CLOCK: variants seen among roughly 807,000 people sequenced by gnomAD.
The protein encoded by CLOCK is circadian locomoter output cycles protein kaput.
A neutral mutation model predicts 118.4 loss-of-function variants in CLOCK; 43 were observed. That is an observed-to-expected ratio of 0.36 (90% CI 0.28 to 0.47). The LOEUF (loss-of-function observed/expected upper bound fraction) is 0.47, where lower values mean the gene tolerates loss of function less well. Among genes scored for constraint, CLOCK ranks in the 20% least tolerant of loss-of-function variants. The pLI, the probability that CLOCK is intolerant of heterozygous loss-of-function variation, is 1.00. For missense variants in CLOCK, 846 were observed against 999.9 expected, an observed-to-expected ratio of 0.85 and a Z score of 2.08; for synonymous variants, 326 against 339.2, an observed-to-expected ratio of 0.96 and a Z score of 0.43.
intron 1 of CLOCK, among the ~76,000 whole-genome samples, chr4:55,526,946 C>CA (rs11460620): frequency 0.45 from 39,421 of 88,126 alleles, 9,705 homozygotes; most frequent in African/African-American, 0.56. Context: ...GACTCCGTCT[C>CA]AAAAAAAAAA....
At chr4:55,446,612 G>T (rs544308211) in intron 18 of CLOCK, among the ~76,000 whole-genome samples, 1 of 152,296 alleles carries the variant, frequency 6.6e-6, no homozygotes, top group African/African-American at 2.4e-5. Context: ...ACGCATACAT[G>T]AATGAAAATA....
In CLOCK at chr4:55,447,094, T is replaced by C. The variant is rs914622116; in HGVS notation, c.1539+1685A>G. On this transcript the variant is annotated intron_variant, in intron 18 of 22. Coordinates refer to ENST00000513440, the MANE Select transcript of CLOCK (RefSeq NM_004898.4). Reference sequence around the variant, plus strand: ...AAAATGTTATAATTATGGCCGGGCATGGTGGCTCACAGCTGTAATCCCAGG... The same window carrying C: ...AAAATGTTATAATTATGGCCGGGCACGGTGGCTCACAGCTGTAATCCCAGG... Among the ~76,000 whole-genome samples the C allele has an allele frequency of 6.6e-4, 100 of 152,034 alleles. 2 individuals carry two copies. Among genetic ancestry groups the C allele is most frequent in the Non-Finnish European group, 1.8e-4 (12 of 67,984 alleles).
intron 11 of CLOCK, among the ~76,000 whole-genome samples, chr4:55,458,295 C>A (rs937455178): frequency 6.6e-6 from 1 of 152,106 alleles, no homozygotes; most frequent in Non-Finnish European, 1.5e-5. Context: ...CTACTGGGCT[C>A]AGGCAATCCT....
At chr4:55,464,656 A>G (rs1577728386) in intron 8 of CLOCK, among the ~76,000 whole-genome samples, 2 of 152,218 alleles carry the variant, frequency 1.3e-5, no homozygotes. Context: ...CCCCTGCATT[A>G]AACTAAAGCA....
At chr4:55,514,606 A>T (rs1522107) in intron 1 of CLOCK, among the ~76,000 whole-genome samples, 100,879 of 151,126 alleles carry the variant, frequency 0.67, 33,824 homozygotes, top group South Asian at 0.81. Flanking sequence ...GTTTTTTTTT[A>T]AATCATGAAT....
chr4:55,491,401 G>C (rs1022732190), intron 2 of CLOCK, among the ~76,000 whole-genome samples: 1 of 148,428 alleles, frequency 6.7e-6, no homozygotes, highest in Non-Finnish European at 1.5e-5. Context: ...ACAAAACTAA[G>C]AGTTGTTTCT....
In CLOCK at chr4:55,438,468, T is replaced by G; in HGVS notation, c.2175A>C (p.Val725=). 6.2e-7 allele frequency: 1 copy of G among 1,613,838 alleles called. No homozygotes were observed. The highest frequency in any genetic ancestry group is 8.5e-7 in the Non-Finnish European group (1 of 1,180,012). Residue 725 remains valine, a synonymous_variant, in exon 22 of 23, where the codon GTA becomes GTC. Coordinates refer to ENST00000513440, the MANE Select transcript of CLOCK (RefSeq NM_004898.4). The part of the protein sequence containing the change: ...TAPVACGAVM[V]PSTMLMGQVV... ...CCTGGCCCATAAGCATAGTACTAGG[T>G]ACCATGACTGCCCCACAAGCTACAG...
chr4:55,432,329 C>A lies in CLOCK; in HGVS notation c.*3086G>T, dbSNP rs1178541674. 1 of 152,054 alleles carries A rather than the reference C, an allele frequency of 6.6e-6. No individual in the cohort carries two copies. Among genetic ancestry groups the A allele is most frequent in the Admixed American group, 6.6e-5 (1 of 15,256 alleles). 9.4% of individuals were successfully genotyped at this position (152,054 alleles called of 1,614,324 possible). ...TTGCATTTGTTAAACAATACTGACT[C>A]TCCCAAAACTATGATAACTGCAAGT... On this transcript the variant is annotated 3_prime_UTR_variant, in exon 23 of 23. Coordinates refer to ENST00000513440, the MANE Select transcript of CLOCK (RefSeq NM_004898.4).
chr4:55,510,789 T>C (rs545262606), intron 1 of CLOCK, among the ~76,000 whole-genome samples: 8 of 152,058 alleles, frequency 5.3e-5, no homozygotes, highest in African/African-American at 1.9e-4. Flanking sequence ...TAGGTGAAAA[T>C]ATGACATTTG....
intron 21 of CLOCK, among the ~76,000 whole-genome samples, chr4:55,439,160 C>T (rs1352967295): frequency 6.6e-6 from 1 of 152,090 alleles, no homozygotes; most frequent in Non-Finnish European, 1.5e-5. Context: ...GCTCCTTCAA[C>T]TCAACAACAA....
rs770771096 is a variant in CLOCK at position 55,442,500 on chromosome 4, T to C, written c.2037A>G (p.Pro679=). The change falls in exon 21 of 23, where the codon CCA becomes CCG. Residue 679 remains proline (P), a synonymous_variant. Transcript: ENST00000513440. ...QPAAGSMVQI[P]SSMPQNSTQS... The stretch of plus-strand genomic sequence containing the variant: ...GGGTGCTGTTTTGTGGCATACTAGA[T>C]GGAATCTGGACCATGCTTCCGGCTG... The C allele has an allele frequency of 6.2e-7, 1 of 1,608,464 alleles. No individual in the cohort carries two copies. Among genetic ancestry groups the C allele is most frequent in the South Asian group, 1.1e-5 (1 of 90,544 alleles).
intron 1 of CLOCK, among the ~76,000 whole-genome samples, chr4:55,522,938 G>A (rs1381211125): frequency 6.6e-6 from 1 of 152,166 alleles, no homozygotes; most frequent in Non-Finnish European, 1.5e-5. Flanking sequence ...GCCAGAGACA[G>A]GCCAGGTTGA....
chr4:55,504,613 TCTGAA>T (rs1016904809), intron 2 of CLOCK, among the ~76,000 whole-genome samples: 1 of 152,128 alleles, frequency 6.6e-6, no homozygotes, highest in African/African-American at 2.4e-5. Context: ...TTTTAATGAA[TCTGAA>T]CTGAACATAT....
chr4:55,539,572 CAAAAAAAAAAAAA>C (rs57022769), intron 1 of CLOCK, among the ~76,000 whole-genome samples: 1 of 52,064 alleles, frequency 1.9e-5, no homozygotes, highest in Non-Finnish European at 3.2e-5. Context: ...GACCTTGTCT[CAAAAAAAAAAAAA>C]AAAAAAAAAA....
intron 13 of CLOCK, among the ~76,000 whole-genome samples, chr4:55,454,476 A>T (rs1220332675): frequency 6.6e-6 from 1 of 151,836 alleles, no homozygotes; most frequent in Non-Finnish European, 1.5e-5. Context: ...TTAGCCAGGC[A>T]TGGTGGTACG....
intron 2 of CLOCK, among the ~76,000 whole-genome samples, chr4:55,509,553 A>C (rs564017854): frequency 2.0e-5 from 3 of 152,342 alleles, no homozygotes; most frequent in African/African-American, 7.2e-5. Context: ...GTCAGCTGAC[A>C]CTTTATCTCT....
chr4:55,476,206 G>A (rs192951714), intron 6 of CLOCK, 152 bp from the exon 7 acceptor site: 1 of 639,182 alleles, frequency 1.6e-6, no homozygotes, highest in Admixed American at 2.5e-5. Flanking sequence ...CCAGGTTTTG[G>A]TATGATGAAA....
intron 14 of CLOCK, 55 bp from the exon 15 acceptor site, chr4:55,453,184 T>A (rs544412151): frequency 7.5e-7 from 1 of 1,325,882 alleles, no homozygotes; most frequent in African/African-American, 1.4e-5. Flanking sequence ...TTTAAAATAC[T>A]GCACAGCTGT....
chr4:55,542,370 ATAATAATAATAT>A (rs1260115579), intron 1 of CLOCK, among the ~76,000 whole-genome samples: 2,408 of 109,538 alleles, frequency 0.022, 65 homozygotes, highest in African/African-American at 0.086. Flanking sequence ...AATAATAATA[ATAATAATAATAT>A]TATTATTATT....
Sources: gnomAD v4.1 joint callset for allele counts (sites outside exome capture counted in the v4.1 genomes callset) on GRCh38, gnomAD v4.1.1 for gene constraint, MANE v1.5 for transcripts, NCBI Gene and HGNC (gene_info 2026-07-23, HGNC 2026-07-21) for gene names.